The following SLCO1A2 variants were observed in gnomAD, a reference collection of about 807,000 sequenced individuals.
SLCO1A2 encodes the protein OATP-1.
In SLCO1A2, 67 loss-of-function variants were observed where a neutral mutation model predicts 69.0. The observed-to-expected ratio is 0.97, with a 90% CI of 0.80 to 1.19. The LOEUF is 1.19. SLCO1A2 is among the 50% of genes most tolerant of loss of function. SLCO1A2 has a pLI of 0.00. For synonymous variants in SLCO1A2, 260 were observed against 265.9 expected (o/e 0.98, Z 0.22); for missense variants, 787 against 793.7 (o/e 0.99, Z 0.10).
At position 21,327,972 on chromosome 12, in the gene SLCO1A2, T is replaced by TG. The variant is rs1391019841; in HGVS notation, c.60+6615dup. Among the ~76,000 whole-genome samples, 6 of 152,148 alleles carry TG rather than the reference T, an allele frequency of 3.9e-5. No homozygotes were observed. The South Asian group carries it at 6.2e-4, about 16-fold the overall frequency. ...TAGCTCCCATAATCCCCATGTGTCA[T>TG]GGGAGGGAACTTGTGGGAGGTAATT... On this transcript the variant is annotated intron_variant, in intron 2 of 14. Transcript: ENST00000683939.
chr12:21,301,945 A>G (rs1019640627), intron 6 of SLCO1A2, among the ~76,000 whole-genome samples: 3 of 152,118 alleles, frequency 2.0e-5, no homozygotes, highest in African/African-American at 4.8e-5. Context: ...AGCTTCTTCA[A>G]CTTTCTTCCT....
intron 2 of SLCO1A2, among the ~76,000 whole-genome samples, chr12:21,325,019 C>T (rs1161711944): frequency 5.3e-5 from 8 of 152,184 alleles, no homozygotes; most frequent in Admixed American, 5.2e-4. Flanking sequence ...CAGTAAATGT[C>T]CCTCAACTGG....
chr12:21,393,951 G>A (rs1464787292), intron 1 of SLCO1A2, among the ~76,000 whole-genome samples: 1 of 152,166 alleles, frequency 6.6e-6, no homozygotes, highest in Non-Finnish European at 1.5e-5. Flanking sequence ...ACATCTTCAT[G>A]TAAACATATT....
At chr12:21,355,342 A>G (rs1591874294) in intron 2 of SLCO1A2, among the ~76,000 whole-genome samples, 1 of 152,172 alleles carries the variant, frequency 6.6e-6, no homozygotes, top group Non-Finnish European at 1.5e-5. Context: ...TAGAACTTAG[A>G]TAAGTTAAGA....
At chr12:21,353,590 T>A (rs1367015279) in intron 2 of SLCO1A2, among the ~76,000 whole-genome samples, 2 of 152,230 alleles carry the variant, frequency 1.3e-5, no homozygotes. Context: ...TTCTCCCTTT[T>A]GGTTTAGCTC....
At chr12:21,333,797 G>A (rs1952755404) in intron 2 of SLCO1A2, among the ~76,000 whole-genome samples, 1 of 152,028 alleles carries the variant, frequency 6.6e-6, no homozygotes, top group African/African-American at 2.4e-5. Context: ...GAAAACTGAA[G>A]CACAAAAAGT....
chr12:21,288,958 C>T (rs1946398168), intron 12 of SLCO1A2, among the ~76,000 whole-genome samples: 1 of 151,372 alleles, frequency 6.6e-6, no homozygotes, highest in African/African-American at 2.4e-5. Context: ...GGAAATGATA[C>T]ACATATATAC....
At chr12:21,341,155 C>T (rs995193011) in intron 2 of SLCO1A2, among the ~76,000 whole-genome samples, 1 of 151,916 alleles carries the variant, frequency 6.6e-6, no homozygotes, top group African/African-American at 2.4e-5. Flanking sequence ...GATTCAGACT[C>T]AGGAAGTCTG....
At chr12:21,274,624 A>T in intron 13 of SLCO1A2, 38 bp from the exon 14 acceptor site, 1 of 1,247,034 alleles carries the variant, frequency 8.0e-7, no homozygotes, top group Non-Finnish European at 1.2e-6. Context: ...ATCAACAAGA[A>T]TTAAGATACT....
upstream of SLCO1A2, among the ~76,000 whole-genome samples, chr12:21,338,870 A>T (rs567832053): frequency 1.2e-4 from 19 of 152,064 alleles, no homozygotes; most frequent in South Asian, 3.5e-3. Context: ...AGTTTTTTCC[A>T]ACACATTTAT....
intron 10 of SLCO1A2, chr12:21,294,777 T>C (rs1947450764): frequency 2.0e-5 from 3 of 152,230 alleles, no homozygotes; most frequent in African/African-American, 7.2e-5. Context: ...TGAACTGCTT[T>C]TATCATTAAA....
chr12:21,274,479 T>C lies in SLCO1A2; in HGVS notation c.1783A>G (p.Thr595Ala). 1 of 1,601,696 alleles carries C rather than the reference T, an allele frequency of 6.2e-7. No homozygotes were observed. ...ESGACRIYDSTTFRYIYLGLP... is the reference protein window; with the variant it reads ...ESGACRIYDSATFRYIYLGLP... ...AATTATTATCTTTACCTGAAGGTGGTGGAATCATATATCCTGCATGCCCCT... is the reference window on the plus strand; with the variant it reads ...AATTATTATCTTTACCTGAAGGTGGCGGAATCATATATCCTGCATGCCCCT... The change falls in exon 14 of 15, where the codon ACC becomes GCC. Residue 595 changes from threonine to alanine, a missense_variant. By Grantham distance (58) the Thr-to-Ala change is moderately conservative. Coordinates refer to ENST00000683939, the MANE Select transcript of SLCO1A2 (RefSeq NM_001386879.1).
At chr12:21,412,683 T>G (rs1941927472) in intron 1 of SLCO1A2, among the ~76,000 whole-genome samples, 1 of 152,164 alleles carries the variant, frequency 6.6e-6, no homozygotes, top group African/African-American at 2.4e-5. Context: ...AACTAGCTAC[T>G]GTTTAGTACT....
intron 2 of SLCO1A2, among the ~76,000 whole-genome samples, chr12:21,326,010 C>A (rs1333909339): frequency 1.3e-5 from 2 of 152,126 alleles, no homozygotes; most frequent in African/African-American, 4.8e-5. Context: ...CTCCCATAAT[C>A]CCCACATGCT....
At chr12:21,366,876 A>G (rs1433374209) in intron 2 of SLCO1A2, among the ~76,000 whole-genome samples, 1 of 152,070 alleles carries the variant, frequency 6.6e-6, no homozygotes, top group Non-Finnish European at 1.5e-5. Context: ...ATATATAAAC[A>G]CAAGATTAAT....
At chr12:21,350,850 A>C (rs1292611797) in intron 2 of SLCO1A2, among the ~76,000 whole-genome samples, 1 of 150,502 alleles carries the variant, frequency 6.6e-6, no homozygotes, top group Non-Finnish European at 1.5e-5. Context: ...AAAAAAAAAA[A>C]AAAAAAAAAA....
chr12:21,357,316 C>T (rs1420805087), intron 2 of SLCO1A2, among the ~76,000 whole-genome samples: 1 of 152,110 alleles, frequency 6.6e-6, no homozygotes, highest in Non-Finnish European at 1.5e-5. Context: ...GGGATAATGC[C>T]TCATGGGAAT....
intron 2 of SLCO1A2, chr12:21,373,564 C>G (rs1939959392): frequency 1.4e-6 from 1 of 720,764 alleles, no homozygotes; most frequent in South Asian, 1.5e-5. Context: ...TTCAGCTATT[C>G]CATTGTTCCT....
intron 2 of SLCO1A2, among the ~76,000 whole-genome samples, chr12:21,362,786 T>A (rs1939027824): frequency 6.6e-6 from 1 of 152,064 alleles, no homozygotes; most frequent in Non-Finnish European, 1.5e-5. Context: ...CCAATAAAGA[T>A]CAAAAGAGAC....
Sources: allele counts gnomAD v4.1 joint callset (sites outside exome capture counted in the v4.1 genomes callset), GRCh38; gene constraint gnomAD v4.1.1; transcripts MANE v1.5; gene names NCBI Gene and HGNC (gene_info 2026-07-23, HGNC 2026-07-21).